Variants in MAPKAP1 observed in about 807,000 individuals in gnomAD.
MAPKAP1 encodes MAPK associated protein 1.
Under a neutral mutation model 65.7 loss-of-function variants are expected in MAPKAP1, and 20 were observed. The ratio of observed to expected loss-of-function variants is 0.30; its 90% CI spans 0.21 to 0.44. The LOEUF (loss-of-function observed/expected upper bound fraction) is 0.44, where lower values mean the gene tolerates loss of function less well. MAPKAP1 is among the 20% of genes least tolerant of loss of function. The probability of loss-of-function intolerance (pLI) is 1.00; values close to 1 mark genes in which losing one functional copy is unlikely to be tolerated. For missense variants in MAPKAP1, 423 were observed against 648.0 expected (o/e 0.65, Z 3.77); for synonymous variants, 222 against 244.3 (o/e 0.91, Z 0.85).
intron 4 of MAPKAP1, among the ~76,000 whole-genome samples, chr9:125,625,276 A>AT (rs1564589758): frequency 2.0e-5 from 3 of 148,946 alleles, no homozygotes; most frequent in African/African-American, 7.4e-5. Flanking sequence ...AAAAAAAAAA[A>AT]AAAACAAGGG....
intron 1 of MAPKAP1, among the ~76,000 whole-genome samples, chr9:125,698,469 CT>C (rs1835498232): frequency 6.6e-6 from 1 of 150,714 alleles, no homozygotes; most frequent in South Asian, 2.1e-4. Flanking sequence ...TCCCGAGTAA[CT>C]GGGACTATAG....
At position 125,505,359 on chromosome 9, in the gene MAPKAP1, A is replaced by G. The variant is rs1349423184; in HGVS notation, c.1066+951T>C. On this transcript the variant is annotated intron_variant, in intron 8 of 11. Transcript: ENST00000265960. ...AGAATCGCTTGAACCTGGGAGGTGG[A>G]GGTTGCAGTGAGCTGAGATTGCACC... 3.3e-5 allele frequency among the ~76,000 whole-genome samples: 5 copies of G among 152,196 alleles called. No individual in the cohort carries two copies. In the East Asian group the frequency reaches 9.7e-4, roughly 29 times the overall value.
At chr9:125,599,833 A>G (rs1237009035) in intron 4 of MAPKAP1, 1 of 152,014 alleles carries the variant, frequency 6.6e-6, no homozygotes, top group African/African-American at 2.4e-5. Flanking sequence ...TGAACTCCTC[A>G]CCTCAGGTGA....
Position 125,543,145 on chromosome 9 carries a change from A to T in MAPKAP1, c.872T>A (p.Leu291His). 1 of 1,612,574 alleles carries T rather than the reference A, an allele frequency of 6.2e-7. No individual in the cohort carries two copies. The highest frequency in any genetic ancestry group is 8.5e-7 in the Non-Finnish European group (1 of 1,178,496). Residue 291 changes from leucine (L) to histidine (H), a missense_variant, in exon 7 of 12, where the codon CTT becomes CAT. This residue lies in a region of MAPKAP1 where 98 missense variants were observed against 200.5 expected (regional missense o/e 0.49). Coordinates refer to ENST00000265960, the MANE Select transcript of MAPKAP1 (RefSeq NM_001006617.3). ...VRINAAHGFSLIQVDNTKVTM... is the reference protein window; with the variant it reads ...VRINAAHGFSHIQVDNTKVTM... ...AACCTTTGTGTTGTCCACCTGAATA[A>T]GGGAGAATCCATGAGCAGCATTTCT... is the stretch of plus-strand genomic sequence containing the variant.
At position 125,438,704 on chromosome 9, in the gene MAPKAP1, A is replaced by G. The variant is rs1342996911; in HGVS notation, c.*183T>C. 3.1e-6 allele frequency: 2 copies of G among 650,882 alleles called. No homozygotes were observed. Among genetic ancestry groups the G allele is most frequent in the African/African-American group, 3.6e-5 (2 of 54,976 alleles). The allele number at this position is 650,882 out of a possible 1,614,324, so 40.3% of individuals were successfully genotyped here. A position where few individuals can be genotyped will look rare whatever the true frequency, so the allele number is the denominator to read the frequency against. On this transcript the variant is annotated 3_prime_UTR_variant, in exon 12 of 12. Coordinates refer to ENST00000265960, the MANE Select transcript of MAPKAP1 (RefSeq NM_001006617.3). Reference sequence around the variant, plus strand: ...CCAAGCAGACTTCCGTCCCATGGCAATGTCCCCAGCGCTCCCTCCTAGGGG... The same window carrying G: ...CCAAGCAGACTTCCGTCCCATGGCAGTGTCCCCAGCGCTCCCTCCTAGGGG...
At chr9:125,596,588 C>A (rs1208017959) in intron 4 of MAPKAP1, 1 of 678,360 alleles carries the variant, frequency 1.5e-6, no homozygotes, top group Non-Finnish European at 2.8e-6. Context: ...TATGGCAGTT[C>A]CAGTAGCAGC....
At chr9:125,642,326 T>C (rs575390) in intron 4 of MAPKAP1, among the ~76,000 whole-genome samples, 136,593 of 152,216 alleles carry the variant, frequency 0.9, 62,068 homozygotes, top group East Asian at 1. Context: ...TGAATATAAT[T>C]ATTTTCAGAC....
In MAPKAP1 at chr9:125,595,722, G is replaced by A. The variant is rs1832104031; in HGVS notation, c.499-9995C>T. The A allele has an allele frequency of 1.3e-6, 2 of 1,546,834 alleles. No individual in the cohort carries two copies. The highest frequency in any genetic ancestry group is 1.8e-6 in the Non-Finnish European group (2 of 1,140,828). On this transcript the variant is annotated intron_variant, in intron 4 of 11. Transcript: ENST00000265960. This position sits in a 1 kb window ranked among gnomAD's most constrained non-coding sequence, Gnocchi z 4.0. ...GAACAGCTAAGGAATCTCTTCATTG[G>A]AGGGTTGAGCTTTGAAACAACCAAT...
intron 1 of MAPKAP1, among the ~76,000 whole-genome samples, chr9:125,686,396 A>T (rs1173380246): frequency 6.6e-6 from 1 of 152,186 alleles, no homozygotes; most frequent in African/African-American, 2.4e-5. Flanking sequence ...TACCACAAAG[A>T]TCACTCAGGA....
chr9:125,608,253 T>C (rs1832497605), intron 4 of MAPKAP1, among the ~76,000 whole-genome samples: 2 of 152,216 alleles, frequency 1.3e-5, no homozygotes, highest in Admixed American at 6.5e-5. Context: ...CTTTTCACAA[T>C]GTGACAAAGG....
chr9:125,441,925 C>T (rs899432319), intron 11 of MAPKAP1, among the ~76,000 whole-genome samples: 1 of 151,886 alleles, frequency 6.6e-6, no homozygotes, highest in Non-Finnish European at 1.5e-5. Flanking sequence ...GCCAGGAGTT[C>T]GAGACCAGCC....
chr9:125,507,187 G>T (rs1674559065), intron 7 of MAPKAP1, among the ~76,000 whole-genome samples: 1 of 152,164 alleles, frequency 6.6e-6, no homozygotes, highest in Non-Finnish European at 1.5e-5. Context: ...ATAAAACACT[G>T]CAGCATTTTA....
chr9:125,597,357 T>G (rs1332526636), intron 4 of MAPKAP1, among the ~76,000 whole-genome samples: 2 of 151,116 alleles, frequency 1.3e-5, no homozygotes, highest in Non-Finnish European at 2.9e-5. Flanking sequence ...GAGGTTCACT[T>G]GAGCCTGGGA....
intron 4 of MAPKAP1, among the ~76,000 whole-genome samples, chr9:125,599,507 A>C (rs1832240660): frequency 1.3e-5 from 2 of 152,324 alleles, no homozygotes; most frequent in Admixed American, 6.5e-5. Flanking sequence ...ACACCATGGA[A>C]TAAGCCAGGC....
intron 7 of MAPKAP1, among the ~76,000 whole-genome samples, chr9:125,529,806 C>T (rs574721860): frequency 6.6e-6 from 1 of 152,290 alleles, no homozygotes; most frequent in East Asian, 1.9e-4. Context: ...ATCTGCCTTA[C>T]GGTGCTAATC....
At chr9:125,636,954 C>T (rs899827825) in intron 4 of MAPKAP1, among the ~76,000 whole-genome samples, 12 of 152,182 alleles carry the variant, frequency 7.9e-5, no homozygotes, top group African/African-American at 2.9e-4. Flanking sequence ...AGAAATGCCA[C>T]AAGTCAATAT....
At chr9:125,494,403 G>A (rs1424775857) in intron 8 of MAPKAP1, among the ~76,000 whole-genome samples, 6 of 152,148 alleles carry the variant, frequency 3.9e-5, no homozygotes, top group Admixed American at 6.5e-5. Context: ...TGCTACCACC[G>A]GGGTAGGGAT....
intron 4 of MAPKAP1, among the ~76,000 whole-genome samples, chr9:125,632,094 T>C (rs895848231): frequency 2.6e-5 from 4 of 152,038 alleles, no homozygotes; most frequent in African/African-American, 9.7e-5. Context: ...TGGTGGCACA[T>C]GCCTGTAGTC....
At chr9:125,612,445 TG>T (rs1036554985) in intron 4 of MAPKAP1, among the ~76,000 whole-genome samples, 5 of 152,158 alleles carry the variant, frequency 3.3e-5, no homozygotes, top group African/African-American at 2.4e-5. Context: ...AGCTCTTTAA[TG>T]GGGGGCGGCA....
Sources: gnomAD v4.1 joint callset for allele counts (sites outside exome capture counted in the v4.1 genomes callset) on GRCh38, gnomAD v4.1.1 for gene constraint, gnomAD v4.1.1 regional missense constraint, Gnocchi (gnomAD v3.1) non-coding constraint, MANE v1.5 for transcripts, NCBI Gene and HGNC (gene_info 2026-07-23, HGNC 2026-07-21) for gene names.